The following KPNA2 variants were observed in gnomAD, a reference collection of about 807,000 sequenced individuals.
The protein encoded by KPNA2 is karyopherin subunit alpha 2.
KPNA2 carries 20 observed loss-of-function variants against 53.7 expected under a neutral mutation model. The observed-to-expected ratio is 0.37, with a 90% CI of 0.26 to 0.54. KPNA2 has a LOEUF of 0.54. Among genes scored for constraint, KPNA2 ranks in the 20% least tolerant of loss-of-function variants. The pLI is 0.83. For synonymous variants in KPNA2, 238 were observed against 227.5 expected (o/e 1.05, Z -0.42); for missense variants, 515 against 640.3 (o/e 0.80, Z 2.11).
In KPNA2 at chr17:68,039,058, C is replaced by T. The variant is rs537683773; in HGVS notation, c.213+1563C>T. 9.9e-5 allele frequency among the ~76,000 whole-genome samples: 15 copies of T among 152,224 alleles called. No individual in the cohort carries two copies. The South Asian group carries it at 2.1e-3, about 21-fold the overall frequency. ...AAGGCCTTCCATAAAGTAGACTTAA[C>T]TTAGATTTTCAAATTTATCTTTCAT... On this transcript the variant is annotated intron_variant, in intron 3 of 10. Transcript: ENST00000330459.
chr17:68,041,906 G>GCACCAT (rs1322144169), intron 4 of KPNA2, among the ~76,000 whole-genome samples, 179 bp from the exon 5 acceptor site: 2 of 152,154 alleles, frequency 1.3e-5, no homozygotes, highest in Non-Finnish European at 2.9e-5. Flanking sequence ...CGCATACATA[G>GCACCAT]CACCATACAA....
intron 8 of KPNA2, 25 bp downstream of exon 8, chr17:68,044,096 A>G (rs782134854): frequency 6.4e-7 from 1 of 1,564,224 alleles, no homozygotes; most frequent in African/African-American, 1.4e-5. Flanking sequence ...GGATTTAATC[A>G]AGTCATTTTT....
chr17:68,046,659 C>T lies in KPNA2; in HGVS notation c.*63C>T. Reference sequence around the variant, plus strand: ...TTTGGTATTTTGTCTTATTGTTTCTCTACTAAGAACTCTTTCTTAAATGTG... The same window carrying T: ...TTTGGTATTTTGTCTTATTGTTTCTTTACTAAGAACTCTTTCTTAAATGTG... On this transcript the variant is annotated 3_prime_UTR_variant, in exon 11 of 11. Transcript: ENST00000330459. 1 of 982,558 alleles carries T rather than the reference C, an allele frequency of 1.0e-6. No homozygotes were observed. The highest frequency in any genetic ancestry group is 1.6e-6 in the Non-Finnish European group (1 of 622,912). The allele number at this position is 982,558 out of a possible 1,614,324, so 60.9% of individuals were successfully genotyped here.
chr17:68,043,026 C>T (rs202058465), intron 6 of KPNA2, 27 bp downstream of exon 6: 137 of 1,610,056 alleles, frequency 8.5e-5, no homozygotes, highest in Admixed American at 8.5e-4. Flanking sequence ...AGTAAAGTTA[C>T]TCACTTCTTC....
intron 3 of KPNA2, among the ~76,000 whole-genome samples, chr17:68,040,328 C>T (rs1364486150): frequency 6.9e-6 from 1 of 145,626 alleles, no homozygotes; most frequent in Non-Finnish European, 1.5e-5. Context: ...CACCTGAGCT[C>T]AAGCCATCCT....
intron 8 of KPNA2, 97 bp downstream of exon 8, chr17:68,044,168 A>G: frequency 1.6e-6 from 2 of 1,288,670 alleles, no homozygotes; most frequent in East Asian, 2.3e-5. Context: ...GGGTTCTACT[A>G]GGAGTCCTTT....
At chr17:68,044,243 T>C in intron 8 of KPNA2, 78 bp from the exon 9 acceptor site, 1 of 1,430,026 alleles carries the variant, frequency 7.0e-7, no homozygotes, top group South Asian at 1.3e-5. Flanking sequence ...TTTCAGTCAT[T>C]GTTTTTGTGA....
chr17:68,045,135 G>GCATA (rs2144221677), intron 9 of KPNA2, among the ~76,000 whole-genome samples: 1 of 151,100 alleles, frequency 6.6e-6, no homozygotes, highest in East Asian at 1.9e-4. Context: ...ATGGATGCTA[G>GCATA]CGTATCTGTT....
chr17:68,036,128 T>A (rs1418264899), intron 1 of KPNA2: 1 of 152,252 alleles, frequency 6.6e-6, no homozygotes, highest in Non-Finnish European at 1.5e-5. Flanking sequence ...GGAGGACTTG[T>A]GGCGGCCCTG....
At chr17:68,037,813 T>G (rs1363641562) in intron 3 of KPNA2, among the ~76,000 whole-genome samples, 1 of 150,732 alleles carries the variant, frequency 6.6e-6, no homozygotes, top group African/African-American at 2.4e-5. Flanking sequence ...TTTTTTTTTT[T>G]CCCCCGAGAT....
At chr17:68,042,849 G>T (rs1469652275) in intron 5 of KPNA2, 56 bp from the exon 6 acceptor site, 5 of 1,350,524 alleles carry the variant, frequency 3.7e-6, no homozygotes, top group Non-Finnish European at 5.2e-6. Context: ...GGGCGACAGA[G>T]AGAAACTCCG....
chr17:68,038,852 T>C (rs1334620470), intron 3 of KPNA2, among the ~76,000 whole-genome samples: 2 of 152,162 alleles, frequency 1.3e-5, no homozygotes, highest in African/African-American at 4.8e-5. Flanking sequence ...ACCTCGTCTC[T>C]ATAAAAAGTA....
intron 10 of KPNA2, 141 bp from the exon 11 acceptor site, chr17:68,046,363 C>G (rs1723047418): frequency 1.8e-6 from 1 of 544,796 alleles, no homozygotes; most frequent in Non-Finnish European, 3.2e-6. Context: ...CCTCCCTCCT[C>G]TATGTCAAAT....
At chr17:68,041,989 G>A (rs2071265441) in intron 4 of KPNA2, 96 bp from the exon 5 acceptor site, 8 of 1,078,814 alleles carry the variant, frequency 7.4e-6, no homozygotes, top group Non-Finnish European at 1.1e-5. Context: ...GTTGTCTGAA[G>A]TTCTAAACTC....
At position 68,040,682 on chromosome 17, in the gene KPNA2, C is replaced by G. The variant is rs1013706330; in HGVS notation, c.218C>G (p.Thr73Ser). 6.2e-7 allele frequency: 1 copy of G among 1,606,502 alleles called. No homozygotes were observed. Among genetic ancestry groups the G allele is most frequent in the Admixed American group, 1.7e-5 (1 of 59,812 alleles). The change falls in exon 4 of 11, where the codon ACT (threonine) becomes AGT (serine). Residue 73 changes from threonine to serine, a missense_variant. Physicochemically the swap from Thr to Ser is moderately conservative, Grantham distance 58. Transcript: ENST00000330459. Reference sequence around the variant, plus strand: ...AAACTTTCACTTTTCTTCTAGGGCACTGTAAATTGGTCTGTTGATGACATT... The same window carrying G: ...AAACTTTCACTTTTCTTCTAGGGCAGTGTAAATTGGTCTGTTGATGACATT... The part of the protein sequence containing the change: ...PLQENRNNQG[T>S]VNWSVDDIVK...
intron 2 of KPNA2, 29 bp from the exon 3 acceptor site, chr17:68,037,329 G>A (rs1372661722): frequency 2.5e-6 from 4 of 1,606,246 alleles, no homozygotes; most frequent in East Asian, 2.2e-5. Context: ...TGGTGTGATA[G>A]GTGAAACGGC....
At chr17:68,044,779 A>G (rs2071309038) in intron 9 of KPNA2, among the ~76,000 whole-genome samples, 1 of 152,146 alleles carries the variant, frequency 6.6e-6, no homozygotes, top group Non-Finnish European at 1.5e-5. Context: ...CCAATTTCAT[A>G]CCGATTTTTG....
intron 1 of KPNA2, among the ~76,000 whole-genome samples, chr17:68,036,712 T>C (rs782102863): frequency 3.9e-5 from 6 of 152,228 alleles, no homozygotes; most frequent in Non-Finnish European, 7.3e-5. Flanking sequence ...AGATGGAGTA[T>C]GGAAAAAGAA....
At chr17:68,036,932 G>C (rs190454782) in intron 1 of KPNA2, 178 bp from the exon 2 acceptor site, 16 of 535,326 alleles carry the variant, frequency 3.0e-5, no homozygotes, top group African/African-American at 3.0e-4. Flanking sequence ...CCTTTAGAGG[G>C]AAGGGGGACA....
Sources: gnomAD v4.1 joint callset for allele counts (sites outside exome capture counted in the v4.1 genomes callset) on GRCh38, gnomAD v4.1.1 for gene constraint, MANE v1.5 for transcripts, NCBI Gene and HGNC (gene_info 2026-07-23, HGNC 2026-07-21) for gene names.